Variants in ST8SIA6 observed in about 807,000 individuals in gnomAD.
ST8SIA6 encodes the protein ST8 alpha-N-acetyl-neuraminide alpha-2,8-sialyltransferase 6.
In ST8SIA6, 39 loss-of-function variants were observed where a neutral mutation model predicts 33.6. The ratio of observed to expected loss-of-function variants is 1.16; its 90% confidence interval spans 0.90 to 1.52. ST8SIA6 has a LOEUF of 1.52. Ranked by LOEUF, ST8SIA6 falls within the 40% of genes most tolerant of loss-of-function variation. The pLI is 0.00. For synonymous variants in ST8SIA6, 172 were observed against 167.2 expected (o/e 1.03, Z -0.22); for missense variants, 441 against 443.8 (o/e 0.99, Z 0.06).
intron 3 of ST8SIA6, among the ~76,000 whole-genome samples, chr10:17,360,235 G>A (rs1040216371): frequency 1.3e-5 from 2 of 152,028 alleles, no homozygotes; most frequent in Non-Finnish European, 2.9e-5. Context: ...TAGTCTTTGC[G>A]TTCTCATTTG....
intron 2 of ST8SIA6, among the ~76,000 whole-genome samples, chr10:17,422,283 A>G (rs540185662): frequency 3.9e-5 from 6 of 152,228 alleles, no homozygotes; most frequent in Non-Finnish European, 8.8e-5. Context: ...ACCATTTTCA[A>G]TGTCCAAAAT....
At position 17,319,261 on chromosome 10, in the gene ST8SIA6, C is replaced by G. The variant is rs1054748091; in HGVS notation, c.*1617G>C. Among the ~76,000 whole-genome samples the G allele has an allele frequency of 9.9e-5, 15 of 151,990 alleles. No individual in the cohort carries two copies. The highest frequency in any genetic ancestry group is 3.6e-4 in the African/African-American group (15 of 41,362). ...TGGTGAGTTACTGCAAGTTTTTCACCAAGATCAAAATAAAAAGAAAAACTA... is the reference window on the plus strand; with the variant it reads ...TGGTGAGTTACTGCAAGTTTTTCACGAAGATCAAAATAAAAAGAAAAACTA... On this transcript the variant is annotated 3_prime_UTR_variant, in exon 8 of 8. Transcript: ENST00000377602.
intron 3 of ST8SIA6, among the ~76,000 whole-genome samples, chr10:17,363,111 C>A (rs531396271): frequency 6.6e-6 from 1 of 152,300 alleles, no homozygotes; most frequent in South Asian, 2.1e-4. Flanking sequence ...AAACTTCCCT[C>A]AGTACTGACT....
In ST8SIA6 at chr10:17,429,417, G is replaced by A. The variant is rs148162094; in HGVS notation, c.200+24142C>T. ...TACTTGCTGTTCCTTCTGCTTGGCC[G>A]CCTCTTCCTCCACCTGGATGGTTGC... On this transcript the variant is annotated intron_variant, in intron 2 of 7. Coordinates refer to ENST00000377602, the MANE Select transcript of ST8SIA6 (RefSeq NM_001004470.3). 1.8e-3 allele frequency among the ~76,000 whole-genome samples: 269 copies of A among 150,926 alleles called. 3 individuals are homozygous for A. The highest frequency in any genetic ancestry group is 0.01 in the East Asian group (51 of 5,088).
chr10:17,432,388 G>A (rs76230718), intron 2 of ST8SIA6, among the ~76,000 whole-genome samples: 3,369 of 152,222 alleles, frequency 0.022, 134 homozygotes, highest in African/African-American at 0.077. Flanking sequence ...ACAACAATCC[G>A]GGCAGACAGG....
intron 4 of ST8SIA6, among the ~76,000 whole-genome samples, chr10:17,341,649 C>G (rs1247494525): frequency 6.6e-6 from 1 of 151,816 alleles, no homozygotes; most frequent in African/African-American, 2.4e-5. Context: ...GCCTGTAATC[C>G]CAGCGCTTTG....
chr10:17,343,016 G>A (rs61844961), intron 4 of ST8SIA6, among the ~76,000 whole-genome samples: 3,063 of 152,280 alleles, frequency 0.02, 54 homozygotes, highest in Admixed American at 0.032. Flanking sequence ...TGCTCTTCTT[G>A]GTCTTCCCCT....
chr10:17,427,996 G>A lies in ST8SIA6; in HGVS notation c.200+25563C>T, dbSNP rs538429918. Among the ~76,000 whole-genome samples the A allele has an allele frequency of 3.9e-5, 6 of 152,300 alleles. No individual in the cohort carries two copies. In the South Asian group the frequency reaches 1.2e-3, roughly 32 times the overall value. On this transcript the variant is annotated intron_variant, in intron 2 of 7. Coordinates refer to ENST00000377602, the MANE Select transcript of ST8SIA6 (RefSeq NM_001004470.3). Reference sequence around the variant, plus strand: ...GAAGTACACAAGAGTCCTTCTATTTGTATGAAGAAAAAGAAACAAGATCAT... The same window carrying A: ...GAAGTACACAAGAGTCCTTCTATTTATATGAAGAAAAAGAAACAAGATCAT...
chr10:17,351,684 G>A (rs959537570), intron 4 of ST8SIA6, among the ~76,000 whole-genome samples: 1 of 151,928 alleles, frequency 6.6e-6, no homozygotes, highest in Admixed American at 6.6e-5. Flanking sequence ...TAAATGAAAT[G>A]TGGTATATAT....
At chr10:17,326,110 A>C (rs767842484) in intron 6 of ST8SIA6, among the ~76,000 whole-genome samples, 22 of 152,192 alleles carry the variant, frequency 1.4e-4, no homozygotes, top group Non-Finnish European at 2.4e-4. Context: ...TGTCGGGTCT[A>C]TTGTGGCTTC....
intron 2 of ST8SIA6, among the ~76,000 whole-genome samples, chr10:17,437,280 C>A (rs916003355): frequency 2.0e-5 from 3 of 152,182 alleles, no homozygotes; most frequent in Admixed American, 2.0e-4. Flanking sequence ...CTGCCTCAAC[C>A]TGCCAAGTAG....
In ST8SIA6 at chr10:17,347,953, C is replaced by CAAA. The variant is rs55996465; in HGVS notation, c.377+11558_377+11560dup. ...CCTAGGCGATGGTGAGACTCTGTCTCAAAAAAAAAAAAAAAAAAAAAATTA... is the reference window on the plus strand; with the variant it reads ...CCTAGGCGATGGTGAGACTCTGTCTCAAAAAAAAAAAAAAAAAAAAAAAAATTA... On this transcript the variant is annotated intron_variant, in intron 4 of 7. Transcript: ENST00000377602. Among the ~76,000 whole-genome samples the CAAA allele has an allele frequency of 7.2e-3, 489 of 68,156 alleles. 13 individuals are homozygous for CAAA. Among genetic ancestry groups the CAAA allele is most frequent in the Middle Eastern group, 0.044 (5 of 114 alleles). 44.7% of individuals were successfully genotyped at this position (68,156 alleles called of 152,430 possible). A position where few individuals can be genotyped will look rare whatever the true frequency, so the allele number is the denominator to read the frequency against.
chr10:17,441,279 AG>A (rs1852480527), intron 2 of ST8SIA6, among the ~76,000 whole-genome samples: 1 of 148,012 alleles, frequency 6.8e-6, no homozygotes, highest in Admixed American at 6.7e-5. Context: ...TTCTGTGTAT[AG>A]TGTAAGGTAA....
At chr10:17,420,193 C>T (rs964657656) in intron 2 of ST8SIA6, among the ~76,000 whole-genome samples, 1 of 152,216 alleles carries the variant, frequency 6.6e-6, no homozygotes, top group African/African-American at 2.4e-5. Context: ...ACGGGCGGAT[C>T]ACGAGGTCAG....
intron 2 of ST8SIA6, among the ~76,000 whole-genome samples, chr10:17,413,096 G>A (rs1435745401): frequency 2.0e-5 from 3 of 152,152 alleles, no homozygotes; most frequent in Non-Finnish European, 2.9e-5. Flanking sequence ...CACAGTGCTA[G>A]CATTTTGTTA....
intron 2 of ST8SIA6, among the ~76,000 whole-genome samples, chr10:17,426,428 G>A (rs973811556): frequency 6.6e-6 from 1 of 152,182 alleles, no homozygotes; most frequent in Non-Finnish European, 1.5e-5. Flanking sequence ...AGCAAAAAAC[G>A]GTGTGGAGAG....
At chr10:17,349,076 A>G (rs1242294796) in intron 4 of ST8SIA6, among the ~76,000 whole-genome samples, 2 of 152,226 alleles carry the variant, frequency 1.3e-5, no homozygotes, top group Non-Finnish European at 2.9e-5. Context: ...ATCCTTTTCT[A>G]CGGAAAATAA....
Position 17,414,993 on chromosome 10 carries a change from A to ACC in ST8SIA6, c.201-24375_201-24374dup, listed in dbSNP as rs202172052. 5.3e-3 allele frequency among the ~76,000 whole-genome samples: 808 copies of ACC among 151,606 alleles called. 5 individuals are homozygous for ACC. Among genetic ancestry groups the ACC allele is most frequent in the Non-Finnish European group, 8.4e-3 (567 of 67,876 alleles). ...CCGTCTCACTTTCTTAACATTACTG[A>ACC]CCCCCTCATCTCTTCCTTCTCTTAC... On this transcript the variant is annotated intron_variant, in intron 2 of 7. Transcript: ENST00000377602.
intron 4 of ST8SIA6, among the ~76,000 whole-genome samples, chr10:17,358,358 C>G (rs1456481817): frequency 2.0e-5 from 3 of 152,046 alleles, no homozygotes; most frequent in Non-Finnish European, 4.4e-5. Flanking sequence ...AGCTGCCTTC[C>G]CACATAAAAA....
Sources: allele counts gnomAD v4.1 joint callset (sites outside exome capture counted in the v4.1 genomes callset), GRCh38; gene constraint gnomAD v4.1.1; transcripts MANE v1.5; gene names NCBI Gene and HGNC (gene_info 2026-07-23, HGNC 2026-07-21).